SH3D19: variants seen among roughly 807,000 people sequenced by gnomAD.
SH3D19 encodes SH3 domain-containing protein 19.
In SH3D19, 58 loss-of-function variants were observed where a neutral mutation model predicts 112.1. That is an observed-to-expected ratio of 0.52 (90% CI 0.42 to 0.64). The LOEUF (loss-of-function observed/expected upper bound fraction) is 0.64. Ranked by LOEUF, SH3D19 falls within the 30% of genes least tolerant of loss-of-function variation. The pLI is 0.00. For missense variants in SH3D19, 1,090 were observed against 1,263.4 expected (o/e 0.86, Z 2.08); for synonymous variants, 391 against 448.5 (o/e 0.87, Z 1.62).
intron 3 of SH3D19, among the ~76,000 whole-genome samples, chr4:151,179,944 A>T (rs563906518): frequency 6.6e-6 from 1 of 152,290 alleles, no homozygotes; most frequent in East Asian, 1.9e-4. Context: ...CAGTGACATG[A>T]TGTTCAGGGC....
At chr4:151,214,419 C>G (rs1380515124) in intron 2 of SH3D19, among the ~76,000 whole-genome samples, 10 of 13,736 alleles carry the variant, frequency 7.3e-4, no homozygotes, top group Non-Finnish European at 3.0e-3. Flanking sequence ...CGGGCAGAGG[C>G]GCCCCTCACC....
intron 19 of SH3D19, among the ~76,000 whole-genome samples, chr4:151,124,692 A>G (rs889493474): frequency 6.6e-6 from 1 of 152,094 alleles, no homozygotes; most frequent in African/African-American, 2.4e-5. Flanking sequence ...ACTGCACTCC[A>G]GCCTGGGCAG....
intron 3 of SH3D19, among the ~76,000 whole-genome samples, chr4:151,180,084 A>G (rs1760607462): frequency 6.6e-6 from 1 of 152,052 alleles, no homozygotes; most frequent in Non-Finnish European, 1.5e-5. Context: ...AGGTTTCGCC[A>G]TGTTGCTGGT....
intron 1 of SH3D19, among the ~76,000 whole-genome samples, chr4:151,231,987 C>A (rs1413532390): frequency 6.6e-6 from 1 of 152,078 alleles, no homozygotes; most frequent in East Asian, 1.9e-4. Context: ...AGTTCAAGAC[C>A]AGACTGGCCA....
chr4:151,230,483 G>A (rs1322937584), intron 1 of SH3D19, among the ~76,000 whole-genome samples: 1 of 152,106 alleles, frequency 6.6e-6, no homozygotes, highest in African/African-American at 2.4e-5. Flanking sequence ...ACTGACTCAA[G>A]TTGGAAATGA....
chr4:151,234,766 T>TGGG (rs374882479), intron 1 of SH3D19, among the ~76,000 whole-genome samples: 2 of 87,162 alleles, frequency 2.3e-5, no homozygotes, highest in African/African-American at 5.1e-5. Flanking sequence ...TTTTTTTTTT[T>TGGG]AGACAGGGGC....
intron 4 of SH3D19, among the ~76,000 whole-genome samples, chr4:151,178,594 A>G (rs1760328422): frequency 6.6e-6 from 1 of 152,182 alleles, no homozygotes; most frequent in Non-Finnish European, 1.5e-5. Flanking sequence ...GCACCATTTT[A>G]AAGCTGGGAT....
At chr4:151,239,242 C>A (rs191043251) in intron 1 of SH3D19, among the ~76,000 whole-genome samples, 1 of 152,188 alleles carries the variant, frequency 6.6e-6, no homozygotes, top group Non-Finnish European at 1.5e-5. Flanking sequence ...GCTTCCACTA[C>A]GATAAGGTTC....
Position 151,175,530 on chromosome 4 carries a change from A to C in SH3D19, c.674T>G (p.Val225Gly). 1 of 1,405,888 alleles carries C rather than the reference A, an allele frequency of 7.1e-7. No individual in the cohort carries two copies. The highest frequency in any genetic ancestry group is 9.2e-7 in the Non-Finnish European group (1 of 1,085,698). The allele number at this position is 1,405,888 out of a possible 1,614,324, so 87.1% of individuals were successfully genotyped here. A position where few individuals can be genotyped will look rare whatever the true frequency, so the allele number is the denominator to read the frequency against. ...GTTGCTTTTTGATCTTGGTTTTGGC[A>C]CTGGACATCTTGTAGCACTGGGGTT... The part of the protein sequence containing the change: ...PENPSATRCP[V>G]PKPRSKSNLR... The change falls in exon 7 of 20, where the codon GTG becomes GGG. Residue 225 changes from valine to glycine, a missense_variant. Val to Gly is a moderately radical substitution (Grantham distance 109, BLOSUM62 -3). Transcript: ENST00000604030.
chr4:151,238,042 G>A (rs1770264836), intron 1 of SH3D19, among the ~76,000 whole-genome samples: 1 of 152,112 alleles, frequency 6.6e-6, no homozygotes. Context: ...AGCCCTAAAA[G>A]TAAGCAGAAG....
chr4:151,231,414 C>T (rs1769598991), intron 1 of SH3D19, among the ~76,000 whole-genome samples: 1 of 152,100 alleles, frequency 6.6e-6, no homozygotes, highest in Non-Finnish European at 1.5e-5. Context: ...GAAGGCAGTG[C>T]TCATTCTACA....
At chr4:151,198,196 T>C (rs1172831052) in intron 2 of SH3D19, among the ~76,000 whole-genome samples, 1 of 151,020 alleles carries the variant, frequency 6.6e-6, no homozygotes, top group Non-Finnish European at 1.5e-5. Context: ...TCCCAGCTAC[T>C]CAGGAGGCTG....
At chr4:151,149,928 G>A (rs1396653939) in intron 9 of SH3D19, among the ~76,000 whole-genome samples, 3 of 152,034 alleles carry the variant, frequency 2.0e-5, no homozygotes, top group East Asian at 1.9e-4. Flanking sequence ...GCTCACGCCT[G>A]TAATCCCAGC....
chr4:151,286,141 A>G (rs1774735421), intron 1 of SH3D19, among the ~76,000 whole-genome samples: 1 of 142,478 alleles, frequency 7.0e-6, no homozygotes, highest in South Asian at 2.3e-4. Flanking sequence ...TATTTGCACC[A>G]CTGTGCTCCA....
intron 1 of SH3D19, among the ~76,000 whole-genome samples, chr4:151,284,409 T>A (rs1774539489): frequency 6.6e-6 from 1 of 152,216 alleles, no homozygotes. Flanking sequence ...GAATGACCAT[T>A]TGGTTTTATT....
intron 1 of SH3D19, among the ~76,000 whole-genome samples, chr4:151,258,524 C>A (rs1401037403): frequency 6.6e-6 from 1 of 152,222 alleles, no homozygotes; most frequent in East Asian, 1.9e-4. Flanking sequence ...TTGTTCAACA[C>A]CAGGGTCACT....
chr4:151,308,860 G>T (rs1729165404), intron 1 of SH3D19, among the ~76,000 whole-genome samples: 1 of 152,042 alleles, frequency 6.6e-6, no homozygotes, highest in African/African-American at 2.4e-5. Context: ...ACTGCTTCCT[G>T]CGTCTTTCTT....
chr4:151,281,500 C>T (rs1420933844), intron 1 of SH3D19, among the ~76,000 whole-genome samples: 3 of 152,018 alleles, frequency 2.0e-5, no homozygotes, highest in Admixed American at 1.3e-4. Flanking sequence ...AAAGCTCAAT[C>T]CTCACCTTCC....
chr4:151,257,907 C>T (rs757181091), intron 1 of SH3D19, among the ~76,000 whole-genome samples: 1 of 152,062 alleles, frequency 6.6e-6, no homozygotes, highest in Non-Finnish European at 1.5e-5. Flanking sequence ...GAGAGTCTGT[C>T]TAAAAATAAA....
Sources: gnomAD v4.1 joint callset for allele counts (sites outside exome capture counted in the v4.1 genomes callset) on GRCh38, gnomAD v4.1.1 for gene constraint, MANE v1.5 for transcripts, NCBI Gene and HGNC (gene_info 2026-07-23, HGNC 2026-07-21) for gene names.